Variants in TAFA2 observed in about 807,000 individuals in gnomAD.
TAFA2 encodes TAFA chemokine like family member 2.
A neutral mutation model predicts 18.8 loss-of-function variants in TAFA2; 7 were observed. The ratio of observed to expected loss-of-function variants is 0.37; its 90% CI spans 0.21 to 0.70. TAFA2 has a LOEUF of 0.70. Ranked by LOEUF, TAFA2 falls within the 30% of genes least tolerant of loss-of-function variation. The pLI, the probability that TAFA2 is intolerant of heterozygous loss-of-function variation, is 0.53. For missense variants in TAFA2, 122 were observed against 158.1 expected (o/e 0.77, Z 1.23); for synonymous variants, 60 against 54.2 (o/e 1.11, Z -0.47).
At chr12:62,259,381 TAA>T (rs1257192185), upstream of TAFA2, 4 of 152,316 alleles carry the variant, frequency 2.6e-5, no homozygotes, top group African/African-American at 9.7e-5. Flanking sequence ...TTCCAGCTCT[TAA>T]AGAGTTTACA....
intron 4 of TAFA2, among the ~76,000 whole-genome samples, chr12:61,735,943 T>C (rs150642941): frequency 8.3e-4 from 126 of 152,144 alleles, no homozygotes; most frequent in African/African-American, 2.9e-3. Context: ...GCCTTAAACA[T>C]ATCTGCTCAC....
intron 1 of TAFA2, among the ~76,000 whole-genome samples, chr12:62,162,400 C>A (rs865876832): frequency 6.6e-6 from 1 of 152,166 alleles, no homozygotes; most frequent in Non-Finnish European, 1.5e-5. Flanking sequence ...AGAAGTAGTT[C>A]CTGTTTATCT....
rs535281253 is a variant in TAFA2, at chr12:62,224,432, C to A, written c.-130+34331G>T. Among the ~76,000 whole-genome samples, 107 of 152,180 alleles carry A rather than the reference C, an allele frequency of 7.0e-4. 1 individual carries two copies. Among genetic ancestry groups the A allele is most frequent in the African/African-American group, 2.5e-3 (102 of 41,502 alleles). On this transcript the variant is annotated intron_variant, in intron 1 of 5. Transcript: ENST00000551619. ...TGCCCACTTTCTGCTTCATAGGTGG[C>A]TGTCTTCTCACTGTGTCCTTACATG...
intron 2 of TAFA2, among the ~76,000 whole-genome samples, chr12:61,765,366 T>TTAGGCTATGTTAAGCCAATGTAATCA (rs1427370110): frequency 6.6e-6 from 1 of 152,088 alleles, no homozygotes; most frequent in East Asian, 1.9e-4. Context: ...AGAAATACAT[T>TTAGGCTATGTTAAGCCAATGTAATCA]TAGGCTATGT....
At chr12:61,870,156 A>G (rs565699852) in intron 1 of TAFA2, among the ~76,000 whole-genome samples, 4 of 152,186 alleles carry the variant, frequency 2.6e-5, no homozygotes, top group Non-Finnish European at 5.9e-5. Flanking sequence ...GGCTGTAAGG[A>G]CTGGTATTTT....
chr12:62,021,487 C>CTTTCTT, intron 1 of TAFA2: 1 of 297,834 alleles, frequency 3.4e-6, no homozygotes, highest in Non-Finnish European at 6.3e-6. Flanking sequence ...TTTTTTTTTT[C>CTTTCTT]TGTCTTTGTA....
At chr12:62,058,625 C>G (rs959815246) in intron 1 of TAFA2, among the ~76,000 whole-genome samples, 13 of 151,806 alleles carry the variant, frequency 8.6e-5, no homozygotes, top group Non-Finnish European at 1.6e-4. Context: ...TCACCTCCCC[C>G]CTTTTTTTTC....
chr12:62,162,205 T>C (rs942023199), intron 1 of TAFA2, among the ~76,000 whole-genome samples: 9 of 152,194 alleles, frequency 5.9e-5, no homozygotes, highest in Non-Finnish European at 1.2e-4. Context: ...TGTGGGAAGA[T>C]AGGAGTCCAG....
At chr12:61,883,109 T>G (rs886624428) in intron 1 of TAFA2, among the ~76,000 whole-genome samples, 4 of 152,140 alleles carry the variant, frequency 2.6e-5, no homozygotes, top group African/African-American at 9.7e-5. Flanking sequence ...CCTGCACACA[T>G]GGAGCCCATA....
intron 1 of TAFA2, among the ~76,000 whole-genome samples, chr12:61,950,978 T>C (rs1398800286): frequency 6.6e-6 from 1 of 152,164 alleles, no homozygotes; most frequent in Non-Finnish European, 1.5e-5. Context: ...CTGGAGCCTA[T>C]TGACTTCTTA....
At chr12:61,922,364 G>A (rs913873060) in intron 1 of TAFA2, among the ~76,000 whole-genome samples, 25 of 152,152 alleles carry the variant, frequency 1.6e-4, no homozygotes, top group African/African-American at 5.8e-4. Context: ...GACCAACACA[G>A]AAGGTGGGTG....
At chr12:62,076,119 T>C (rs1868247543) in intron 1 of TAFA2, among the ~76,000 whole-genome samples, 1 of 152,208 alleles carries the variant, frequency 6.6e-6, no homozygotes, top group Non-Finnish European at 1.5e-5. Context: ...ATTTAAATTG[T>C]ACTTTTCAAA....
At chr12:62,218,743 CT>C (rs898365128) in intron 1 of TAFA2, among the ~76,000 whole-genome samples, 22 of 150,978 alleles carry the variant, frequency 1.5e-4, no homozygotes, top group South Asian at 4.2e-4. Flanking sequence ...TTTTCTTTCT[CT>C]TTTTTTTTGT....
chr12:61,957,909 G>T (rs1005141949), intron 1 of TAFA2, among the ~76,000 whole-genome samples: 5 of 152,096 alleles, frequency 3.3e-5, no homozygotes, highest in African/African-American at 1.2e-4. Flanking sequence ...TAAAGATGAT[G>T]GACAAATAGA....
At chr12:62,197,156 T>A (rs897108966), upstream of TAFA2, among the ~76,000 whole-genome samples, 1 of 152,172 alleles carries the variant, frequency 6.6e-6, no homozygotes, top group South Asian at 2.1e-4. Context: ...GATGGTTTCA[T>A]CCCGAAATTA....
intron 1 of TAFA2, among the ~76,000 whole-genome samples, chr12:61,881,262 T>A (rs952688719): frequency 2.0e-5 from 3 of 152,090 alleles, no homozygotes; most frequent in Admixed American, 6.5e-5. Flanking sequence ...CAGGATACAT[T>A]CTGAGAAATG....
intron 1 of TAFA2, among the ~76,000 whole-genome samples, chr12:61,972,343 A>T (rs1879277989): frequency 6.6e-6 from 1 of 151,170 alleles, no homozygotes; most frequent in South Asian, 2.1e-4. Flanking sequence ...TGGGCCAGAC[A>T]TCAGTACTAC....
At chr12:61,847,898 A>ATTAAAAGGGCATGCCAACATGTT (rs1341855932) in intron 2 of TAFA2, among the ~76,000 whole-genome samples, 34 of 152,356 alleles carry the variant, frequency 2.2e-4, no homozygotes, top group African/African-American at 7.7e-4. Flanking sequence ...CCAATAACTG[A>ATTAAAAGGGCATGCCAACATGTT]TTAAAAGGGC....
At chr12:62,203,827 C>T (rs991687137) in intron 1 of TAFA2, among the ~76,000 whole-genome samples, 4 of 152,152 alleles carry the variant, frequency 2.6e-5, no homozygotes, top group African/African-American at 9.7e-5. Flanking sequence ...GCATTTAGCC[C>T]ATTTACGTTT....
Sources: allele counts gnomAD v4.1 joint callset (sites outside exome capture counted in the v4.1 genomes callset), GRCh38; gene constraint gnomAD v4.1.1; transcripts MANE v1.5; gene names NCBI Gene and HGNC (gene_info 2026-07-23, HGNC 2026-07-21).